The following CACNA1I variants were observed in gnomAD, a reference collection of about 807,000 sequenced individuals.
CACNA1I encodes calcium voltage-gated channel subunit alpha1 I, also known as voltage-dependent T-type calcium channel subunit alpha-1I.
In CACNA1I, 74 loss-of-function variants were observed where a neutral mutation model predicts 201.6. The ratio of observed to expected loss-of-function variants is 0.37; its 90% CI spans 0.30 to 0.45. The LOEUF (loss-of-function observed/expected upper bound fraction) is 0.45, where lower values mean the gene tolerates loss of function less well. Among genes scored for constraint, CACNA1I ranks in the 20% least tolerant of loss-of-function variants. The pLI, the probability that CACNA1I is intolerant of heterozygous loss-of-function variation, is 1.00. For synonymous variants in CACNA1I, 1,431 were observed against 1,345.2 expected, an observed-to-expected ratio of 1.06 and a Z score of -1.40; for missense variants, 2,346 against 3,138.1, an observed-to-expected ratio of 0.75 and a Z score of 6.03.
intron 1 of CACNA1I, among the ~76,000 whole-genome samples, chr22:39,585,918 C>T (rs972170452): frequency 8.6e-5 from 13 of 151,660 alleles, no homozygotes; most frequent in African/African-American, 2.4e-4. Context: ...CGGTGGCTCA[C>T]GCCTGTAATC....
chr22:39,600,464 G>A lies in CACNA1I; in HGVS notation c.349-56G>A, dbSNP rs1265375044. The stretch of plus-strand genomic sequence containing the variant: ...ACCTCACACTGTGGCTGCAACCCCT[G>A]GGCCCTGCTCTGCAACCTCACCCTG... On this transcript the variant is annotated intron_variant, in intron 2 of 36. Coordinates refer to ENST00000402142, the MANE Select transcript of CACNA1I (RefSeq NM_021096.4). The A allele has an allele frequency of 2.1e-5, 31 of 1,494,856 alleles. No individual in the cohort carries two copies. In the Admixed American group the frequency reaches 5.4e-4, roughly 26 times the overall value. The allele number at this position is 1,494,856 out of a possible 1,614,324, so 92.6% of individuals were successfully genotyped here.
At position 39,662,215 on chromosome 22, in the gene CACNA1I, G is replaced by T. The variant is rs1935043204; in HGVS notation, c.3152G>T (p.Arg1051Leu). 1 of 1,528,128 alleles carries T rather than the reference G, an allele frequency of 6.5e-7. No homozygotes were observed. Among genetic ancestry groups the T allele is most frequent in the Non-Finnish European group, 8.8e-7 (1 of 1,141,574 alleles). The allele number at this position is 1,528,128 out of a possible 1,614,324, so 94.7% of individuals were successfully genotyped here. A position where few individuals can be genotyped will look rare whatever the true frequency, so the allele number is the denominator to read the frequency against. Reference sequence around the variant, plus strand: ...GGGCCCCATCTGGCGCACCGCCACCGCCACCACCGCCGGACGCTGTCCCTC... The same window carrying T: ...GGGCCCCATCTGGCGCACCGCCACCTCCACCACCGCCGGACGCTGTCCCTC... ...HHGPHLAHRH[R>L]HHRRTLSLDN... The change falls in exon 17 of 37, where the codon CGC (arginine) becomes CTC (leucine). Residue 1051 changes from arginine to leucine, a missense_variant. Coordinates refer to ENST00000402142, the MANE Select transcript of CACNA1I (RefSeq NM_021096.4).
chr22:39,573,790 G>A (rs1318012711), intron 1 of CACNA1I, among the ~76,000 whole-genome samples: 1 of 152,228 alleles, frequency 6.6e-6, no homozygotes, highest in Non-Finnish European at 1.5e-5. Context: ...TGTGGCCTGG[G>A]GTTGGAGACA....
intron 27 of CACNA1I, 64 bp from the exon 28 acceptor site, chr22:39,672,885 G>T: frequency 3.3e-6 from 5 of 1,535,196 alleles, no homozygotes; most frequent in South Asian, 2.5e-5. Flanking sequence ...CCCCACTAAG[G>T]TGTGTCTGAA....
chr22:39,655,912 G>A (rs1934801750), intron 10 of CACNA1I, among the ~76,000 whole-genome samples: 1 of 152,244 alleles, frequency 6.6e-6, no homozygotes, highest in South Asian at 2.1e-4. Flanking sequence ...TCCCTGGTAG[G>A]AGTGTGTGCG....
chr22:39,667,344 A>G (rs1832561089), intron 23 of CACNA1I, among the ~76,000 whole-genome samples: 1 of 152,220 alleles, frequency 6.6e-6, no homozygotes, highest in South Asian at 2.1e-4. Flanking sequence ...AGGAGGGGCC[A>G]GTGCAGGGCC....
At chr22:39,644,937 C>T (rs1288281956) in intron 7 of CACNA1I, among the ~76,000 whole-genome samples, 4 of 151,234 alleles carry the variant, frequency 2.6e-5, no homozygotes, top group Admixed American at 2.0e-4. Context: ...ATCCTCCTGC[C>T]TTGGCTTCCC....
chr22:39,627,180 G>A (rs971058398), intron 4 of CACNA1I, among the ~76,000 whole-genome samples: 3 of 152,172 alleles, frequency 2.0e-5, no homozygotes, highest in Non-Finnish European at 4.4e-5. Flanking sequence ...CACTTCCAGG[G>A]TCAAAGGAGA....
chr22:39,673,725 C>T (rs755489175), intron 28 of CACNA1I, among the ~76,000 whole-genome samples: 1 of 152,320 alleles, frequency 6.6e-6, no homozygotes, highest in East Asian at 1.9e-4. Flanking sequence ...GAGTATGCCC[C>T]GTCCTCGGGG....
intron 34 of CACNA1I, 57 bp from the exon 35 acceptor site, chr22:39,682,439 C>T: frequency 6.6e-7 from 1 of 1,506,388 alleles, no homozygotes; most frequent in South Asian, 1.2e-5. Context: ...ATGAGGTACC[C>T]TTCATGAGCT....
chr22:39,622,681 G>A (rs1383664975), intron 4 of CACNA1I, among the ~76,000 whole-genome samples: 1 of 151,738 alleles, frequency 6.6e-6, no homozygotes, highest in Non-Finnish European at 1.5e-5. Flanking sequence ...GGCCGGTACT[G>A]GGCAGGGGTG....
At chr22:39,579,602 T>C (rs1021937052) in intron 1 of CACNA1I, among the ~76,000 whole-genome samples, 6 of 151,250 alleles carry the variant, frequency 4.0e-5, no homozygotes, top group Admixed American at 6.6e-5. Flanking sequence ...GGGGAGAAGG[T>C]GTGTTGCATG....
At chr22:39,591,264 C>A (rs1398577947) in intron 1 of CACNA1I, among the ~76,000 whole-genome samples, 1 of 151,214 alleles carries the variant, frequency 6.6e-6, no homozygotes, top group Non-Finnish European at 1.5e-5. Flanking sequence ...CGGGTTCAAG[C>A]GATCCTCCTG....
chr22:39,664,252 A>G, intron 20 of CACNA1I, 93 bp downstream of exon 20: 2 of 1,059,198 alleles, frequency 1.9e-6, no homozygotes, highest in Non-Finnish European at 2.8e-6. Context: ...CTCGCCTGCC[A>G]TCGGCTTCAT....
chr22:39,587,809 T>C, intron 1 of CACNA1I: 1 of 425,060 alleles, frequency 2.4e-6, no homozygotes, highest in Non-Finnish European at 4.7e-6. Context: ...AGAGTCTTGC[T>C]CTGTCACCCA....
intron 10 of CACNA1I, among the ~76,000 whole-genome samples, chr22:39,651,173 C>T (rs911489973): frequency 4.0e-5 from 6 of 151,782 alleles, no homozygotes; most frequent in Non-Finnish European, 7.4e-5. Context: ...GAGGTCCCGC[C>T]GCCAGCTGGG....
At position 39,647,886 on chromosome 22, in the gene CACNA1I, G is replaced by C. The variant is rs373154321; in HGVS notation, c.1527G>C (p.Leu509Phe). The C allele has an allele frequency of 1.2e-6, 2 of 1,613,698 alleles. No individual in the cohort carries two copies. Among genetic ancestry groups the C allele is most frequent in the Non-Finnish European group, 1.7e-6 (2 of 1,179,854 alleles). ...RHLGSRHCQT[L>F]HGPASPGNDH... Reference sequence around the variant, plus strand: ...TCGGAAGCCGGCATTGCCAGACTTTGCATGGGCCTGCCTCCCCTGGAAATG... The same window carrying C: ...TCGGAAGCCGGCATTGCCAGACTTTCCATGGGCCTGCCTCCCCTGGAAATG... The change falls in exon 9 of 37, where the codon TTG becomes TTC. Residue 509 changes from leucine (L) to phenylalanine (F), a missense_variant. Transcript: ENST00000402142.
intron 7 of CACNA1I, among the ~76,000 whole-genome samples, chr22:39,645,168 G>A (rs953954246): frequency 6.6e-6 from 1 of 151,306 alleles, no homozygotes; most frequent in Admixed American, 6.6e-5. Flanking sequence ...TGTATTTTTA[G>A]TAGAGACAGG....
At chr22:39,621,648 T>G (rs1399300248) in intron 4 of CACNA1I, among the ~76,000 whole-genome samples, 2 of 152,048 alleles carry the variant, frequency 1.3e-5, no homozygotes, top group Admixed American at 6.6e-5. Flanking sequence ...GCCTGGGGGC[T>G]GGGGTCTCAA....
Sources: allele counts gnomAD v4.1 joint callset (sites outside exome capture counted in the v4.1 genomes callset), GRCh38; gene constraint gnomAD v4.1.1; transcripts MANE v1.5; gene names NCBI Gene and HGNC (gene_info 2026-07-23, HGNC 2026-07-21).